The following RSRC2 variants were observed in gnomAD, a reference collection of about 807,000 sequenced individuals.
RSRC2 encodes arginine and serine rich coiled-coil 2.
RSRC2 carries 5 observed loss-of-function variants against 61.3 expected under a neutral mutation model. The observed-to-expected ratio is 0.08, with a 90% confidence interval of 0.04 to 0.17. The LOEUF is 0.17. Ranked by LOEUF, RSRC2 falls within the 10% of genes least tolerant of loss-of-function variation. The probability of loss-of-function intolerance (pLI) is 1.00; values close to 1 mark genes in which losing one functional copy is unlikely to be tolerated. For synonymous variants in RSRC2, 202 were observed against 166.5 expected, an observed-to-expected ratio of 1.21 and a Z score of -1.64; for missense variants, 381 against 518.8, an observed-to-expected ratio of 0.73 and a Z score of 2.58.
intron 5 of RSRC2, among the ~76,000 whole-genome samples, chr12:122,515,788 G>A (rs1235361496): frequency 3.3e-5 from 5 of 152,148 alleles, no homozygotes; most frequent in Non-Finnish European, 5.9e-5. Context: ...TCAGGAGTTC[G>A]AGACCTGCCT....
chr12:122,503,604 T>C lies in RSRC2; in HGVS notation c.*1923A>G, dbSNP rs1335713090. ...ACTGCCTTAGAAGGTCATGAACATT[T>C]TTAATAAGATTGATTTAAAAAGGCA... On this transcript the variant is annotated 3_prime_UTR_variant, in exon 10 of 10. Transcript: ENST00000331738. 2 of 152,206 alleles carry C rather than the reference T, an allele frequency of 1.3e-5. No individual in the cohort carries two copies. Among genetic ancestry groups the C allele is most frequent in the African/African-American group, 2.4e-5 (1 of 41,452 alleles). The allele number at this position is 152,206 out of a possible 1,614,324, so 9.4% of individuals were successfully genotyped here.
At chr12:122,507,031 TCAA>T (rs1299456478) in intron 8 of RSRC2, 108 bp from the exon 9 acceptor site, 1 of 690,182 alleles carries the variant, frequency 1.4e-6, no homozygotes, top group Admixed American at 2.4e-5. Context: ...TGGATAGCAT[TCAA>T]TCAATGTAAG....
rs755663300 is a variant in RSRC2 at position 122,522,127 on chromosome 12, C to CT, written c.163+15dup. 6.2e-7 allele frequency: 1 copy of CT among 1,605,030 alleles called. No homozygotes were observed. The highest frequency in any genetic ancestry group is 8.5e-7 in the Non-Finnish European group (1 of 1,176,488). ...TACAAATGCTGAGAGTTGTAACCAC[C>CT]TTTAAGAATTCATACCTGACTTTCG... is the stretch of plus-strand genomic sequence containing the variant. On this transcript the variant is annotated intron_variant, in intron 2 of 9. Transcript: ENST00000331738.
rs986950998 is a variant in RSRC2, at chr12:122,504,711, A to G, written c.*816T>C. 3 of 152,646 alleles carry G rather than the reference A, an allele frequency of 2.0e-5. No homozygotes were observed. Among genetic ancestry groups the G allele is most frequent in the Admixed American group, 2.0e-4 (3 of 15,272 alleles). 9.5% of individuals were successfully genotyped at this position (152,646 alleles called of 1,614,324 possible). ...AGACTTCAAAGGGATAATGAGCAAA[A>G]AGCATGCAAAGAACTTGTTATAAGG... On this transcript the variant is annotated 3_prime_UTR_variant, in exon 10 of 10. Coordinates refer to ENST00000331738, the MANE Select transcript of RSRC2 (RefSeq NM_023012.6).
chr12:122,504,894 T>A lies in RSRC2; in HGVS notation c.*633A>T, dbSNP rs1958024995. On this transcript the variant is annotated 3_prime_UTR_variant, in exon 10 of 10. Transcript: ENST00000331738. Reference sequence around the variant, plus strand: ...GTTTTCTCCTTCCACCTTTTACATTTTTGCTCACCACGGTATTGACTGTAG... The same window carrying A: ...GTTTTCTCCTTCCACCTTTTACATTATTGCTCACCACGGTATTGACTGTAG... The A allele has an allele frequency of 6.6e-6, 1 of 152,634 alleles. No individual in the cohort carries two copies. The highest frequency in any genetic ancestry group is 2.1e-4 in the South Asian group (1 of 4,834). The allele number at this position is 152,634 out of a possible 1,614,324, so 9.5% of individuals were successfully genotyped here.
chr12:122,525,533 T>A (rs1960045340), intron 1 of RSRC2, among the ~76,000 whole-genome samples: 1 of 152,204 alleles, frequency 6.6e-6, no homozygotes, highest in Admixed American at 6.5e-5. Flanking sequence ...GAAAATCATC[T>A]GCCTAATCCC....
At chr12:122,513,193 T>C (rs1172520693) in intron 6 of RSRC2, among the ~76,000 whole-genome samples, 3 of 129,422 alleles carry the variant, frequency 2.3e-5, no homozygotes, top group Non-Finnish European at 4.9e-5. Flanking sequence ...AGACTCCGTC[T>C]CAAAAATAAA....
intron 1 of RSRC2, 160 bp from the exon 2 acceptor site, chr12:122,522,459 C>A (rs752808452): frequency 1.5e-5 from 9 of 617,612 alleles, no homozygotes; most frequent in Non-Finnish European, 2.3e-5. Context: ...ACTAATAAGG[C>A]TGAATGGCTT....
At chr12:122,511,524 G>A (rs1958505934) in intron 6 of RSRC2, among the ~76,000 whole-genome samples, 1 of 152,216 alleles carries the variant, frequency 6.6e-6, no homozygotes, top group African/African-American at 2.4e-5. Flanking sequence ...GCATGGTTAA[G>A]TAGTAAATAA....
chr12:122,520,249 G>C (rs1237781233), intron 3 of RSRC2: 5 of 252,210 alleles, frequency 2.0e-5, no homozygotes, highest in Non-Finnish European at 4.0e-5. Context: ...AAAAATAAGA[G>C]ACCTGGAGAC....
intron 5 of RSRC2, among the ~76,000 whole-genome samples, chr12:122,516,090 CACT>C (rs1169042089): frequency 6.6e-6 from 1 of 151,992 alleles, no homozygotes; most frequent in Non-Finnish European, 1.5e-5. Context: ...AAACTAGAAC[CACT>C]GAGTAAAAAT....
rs1958400433 is a variant in RSRC2 at position 122,510,288 on chromosome 12, T to G, written c.805+821A>C. Among the ~76,000 whole-genome samples, 4 of 152,202 alleles carry G rather than the reference T, an allele frequency of 2.6e-5. No homozygotes were observed. In the South Asian group the frequency reaches 6.2e-4, roughly 24 times the overall value. On this transcript the variant is annotated intron_variant, in intron 7 of 9. Transcript: ENST00000331738. ...GGCTCATGCCTGTAATCCCAGCACT[T>G]CGGGAGGCCAAGAAGGACGATCACC...
At chr12:122,511,328 T>C (rs1309886165) in intron 6 of RSRC2, 140 bp from the exon 7 acceptor site, 5 of 551,780 alleles carry the variant, frequency 9.1e-6, no homozygotes, top group East Asian at 9.0e-5. Flanking sequence ...GATAGCCGTA[T>C]GTGAAGAAAA....
At chr12:122,506,614 GTCTC>G (rs771476821) in intron 9 of RSRC2, 26 of 439,166 alleles carry the variant, frequency 5.9e-5, no homozygotes, top group East Asian at 1.5e-4. Context: ...GCAAAACCCC[GTCTC>G]TCTCTCTCTC....
At position 122,505,391 on chromosome 12, in the gene RSRC2, C is replaced by T. The variant is rs912400118; in HGVS notation, c.*136G>A. ...ACCAGTATCACTGATCTGATATTTA[C>T]AAAAATTTGTATTTTTCAATAAATT... On this transcript the variant is annotated 3_prime_UTR_variant, in exon 10 of 10. Transcript: ENST00000331738. 2.3e-5 allele frequency: 18 copies of T among 768,488 alleles called. No homozygotes were observed. In the South Asian group the frequency reaches 3.6e-4, roughly 15 times the overall value. 47.6% of individuals were successfully genotyped at this position (768,488 alleles called of 1,614,324 possible). A position where few individuals can be genotyped will look rare whatever the true frequency, so the allele number is the denominator to read the frequency against.
In RSRC2 at chr12:122,506,849, T is replaced by C; in HGVS notation, c.1110A>G (p.Lys370=). The stretch of plus-strand genomic sequence containing the variant: ...TGAAACTCACCTTAATACCCATCAA[T>C]TTCCTAAATTTGACATTTTGGTCCT... ...GNKDQNVKFR[K]LMGIKSEDEA... The change falls in exon 9 of 10, where the codon AAA becomes AAG. Residue 370 remains lysine (K), a synonymous_variant. Transcript: ENST00000331738. 6.2e-7 allele frequency: 1 copy of C among 1,603,164 alleles called. No individual in the cohort carries two copies. Among genetic ancestry groups the C allele is most frequent in the Non-Finnish European group, 8.5e-7 (1 of 1,170,144 alleles).
chr12:122,522,495 A>T, intron 1 of RSRC2, 196 bp from the exon 2 acceptor site: 1 of 477,908 alleles, frequency 2.1e-6, no homozygotes, highest in South Asian at 3.7e-5. Flanking sequence ...ATACTAAAGC[A>T]AGACCTACAT....
rs1959305714 is a variant in RSRC2, at chr12:122,522,188, A to G, written c.118T>C (p.Tyr40His). ...SVSPRASKHH[Y>H]SRSRSRSRER... is the part of the protein sequence containing the mutation. The stretch of plus-strand genomic sequence containing the variant: ...CTTGACCTTGATCGTGATCTTGAAT[A>G]ATGATGTTTTGAAGCTCTAGGAGAA... Residue 40 changes from tyrosine to histidine, a missense_variant, in exon 2 of 10, where the codon TAT becomes CAT. Physicochemically the swap from Tyr to His is moderately conservative, Grantham distance 83 (BLOSUM62 2). Around this residue, in one of 4 missense-constraint regions of RSRC2, gnomAD observed 266 missense variants for 270.5 expected, o/e 0.98. Transcript: ENST00000331738. 1 of 1,613,888 alleles carries G rather than the reference A, an allele frequency of 6.2e-7. No homozygotes were observed. The highest frequency in any genetic ancestry group is 8.5e-7 in the Non-Finnish European group (1 of 1,179,962).
chr12:122,517,112 T>C (rs1307894137), intron 5 of RSRC2, 115 bp downstream of exon 5: 3 of 1,453,612 alleles, frequency 2.1e-6, no homozygotes, highest in Non-Finnish European at 2.8e-6. Flanking sequence ...AAAATAATTT[T>C]ACCATAATCT....
Sources: allele counts gnomAD v4.1 joint callset (sites outside exome capture counted in the v4.1 genomes callset), GRCh38; gene constraint gnomAD v4.1.1; regional missense constraint gnomAD v4.1.1; transcripts MANE v1.5; gene names NCBI Gene and HGNC (gene_info 2026-07-23, HGNC 2026-07-21).